The following LRMDA variants were observed in gnomAD, a reference collection of about 807,000 sequenced individuals.
LRMDA encodes the protein leucine-rich melanocyte differentiation-associated protein.
A neutral mutation model predicts 29.8 loss-of-function variants in LRMDA; 18 were observed. The ratio of observed to expected loss-of-function variants is 0.60; its 90% CI spans 0.42 to 0.90. LRMDA has a LOEUF of 0.90. Ranked by LOEUF, LRMDA falls within the 40% of genes least tolerant of loss-of-function variation. The pLI, the probability that LRMDA is intolerant of heterozygous loss-of-function variation, is 0.00. For synonymous variants in LRMDA, 125 were observed against 109.4 expected (o/e 1.14, Z -0.89); for missense variants, 273 against 273.9 (o/e 1.00, Z 0.02).
chr10:76,551,360 G>C (rs1021608104), intron 6 of LRMDA, among the ~76,000 whole-genome samples: 1 of 152,176 alleles, frequency 6.6e-6, no homozygotes, highest in African/African-American at 2.4e-5. Context: ...TGAGTGTCCA[G>C]CAATTGACAT....
chr10:75,684,920 C>T (rs1421850044), intron 2 of LRMDA, among the ~76,000 whole-genome samples: 1 of 152,220 alleles, frequency 6.6e-6, no homozygotes, highest in Non-Finnish European at 1.5e-5. Flanking sequence ...CCCAGTTTGT[C>T]ATCATTACTC....
chr10:75,586,646 T>G (rs1481654334), intron 2 of LRMDA, among the ~76,000 whole-genome samples: 1 of 152,082 alleles, frequency 6.6e-6, no homozygotes, highest in African/African-American at 2.4e-5. Flanking sequence ...GGCCTGTCTT[T>G]TGTTTTTTTG....
intron 2 of LRMDA, among the ~76,000 whole-genome samples, chr10:75,789,921 A>G (rs1025074560): frequency 1.3e-4 from 20 of 152,284 alleles, no homozygotes; most frequent in African/African-American, 4.8e-4. Flanking sequence ...GGGATGGACA[A>G]TAATTGAAGA....
intron 2 of LRMDA, among the ~76,000 whole-genome samples, chr10:75,884,893 C>T (rs1022627575): frequency 6.6e-6 from 1 of 151,546 alleles, no homozygotes; most frequent in African/African-American, 2.4e-5. Context: ...AACGAAAAAT[C>T]CAGTTTAGGA....
intron 6 of LRMDA, among the ~76,000 whole-genome samples, chr10:76,381,628 G>C (rs1331045612): frequency 6.6e-6 from 1 of 152,092 alleles, no homozygotes; most frequent in African/African-American, 2.4e-5. Context: ...GCATCTCCGT[G>C]CTTACAAAAG....
chr10:76,034,469 C>G (rs1173908361), intron 2 of LRMDA, among the ~76,000 whole-genome samples: 3 of 152,176 alleles, frequency 2.0e-5, no homozygotes, highest in Non-Finnish European at 4.4e-5. Context: ...AGCAGGCGTG[C>G]TCTGGGAGTC....
chr10:75,689,757 C>T (rs901891987), intron 2 of LRMDA, among the ~76,000 whole-genome samples: 3 of 152,128 alleles, frequency 2.0e-5, no homozygotes, highest in African/African-American at 4.8e-5. Flanking sequence ...TCTCCCAAGA[C>T]GAGAGGTTTT....
chr10:76,125,654 C>T (rs1311427512), intron 5 of LRMDA, among the ~76,000 whole-genome samples: 1 of 152,054 alleles, frequency 6.6e-6, no homozygotes, highest in Non-Finnish European at 1.5e-5. Context: ...GGGTCTGTCA[C>T]CTAGAGGAGG....
intron 2 of LRMDA, among the ~76,000 whole-genome samples, chr10:75,663,337 T>C (rs1841779046): frequency 6.6e-6 from 1 of 152,218 alleles, no homozygotes; most frequent in South Asian, 2.1e-4. Context: ...AGGAAGTATA[T>C]GGAAGTCCTC....
intron 2 of LRMDA, among the ~76,000 whole-genome samples, chr10:75,679,330 G>A (rs1031511224): frequency 2.6e-5 from 4 of 151,902 alleles, no homozygotes; most frequent in African/African-American, 7.3e-5. Context: ...TCATTCCTGC[G>A]ACCTCAGAGA....
chr10:76,112,220 G>A (rs1849591161), intron 5 of LRMDA, among the ~76,000 whole-genome samples: 1 of 152,158 alleles, frequency 6.6e-6, no homozygotes. Context: ...TGAGCCTGGG[G>A]GAGCCCCACC....
At chr10:75,561,041 G>A (rs925781735) in intron 2 of LRMDA, among the ~76,000 whole-genome samples, 3 of 150,986 alleles carry the variant, frequency 2.0e-5, no homozygotes, top group African/African-American at 7.3e-5. Context: ...GGATGATGCT[G>A]GCCTCATAAA....
intron 2 of LRMDA, among the ~76,000 whole-genome samples, chr10:75,959,319 C>G (rs1054274186): frequency 6.6e-6 from 1 of 152,068 alleles, no homozygotes; most frequent in East Asian, 1.9e-4. Flanking sequence ...TTGGGCAGCA[C>G]CACCTTGGCC....
At chr10:75,507,450 G>A (rs1845182277) in intron 2 of LRMDA, among the ~76,000 whole-genome samples, 1 of 152,186 alleles carries the variant, frequency 6.6e-6, no homozygotes, top group African/African-American at 2.4e-5. Context: ...GTGAAAGGAA[G>A]TAGAGAAAGG....
chr10:76,449,824 A>G (rs1164394868), intron 6 of LRMDA, among the ~76,000 whole-genome samples: 1 of 151,920 alleles, frequency 6.6e-6, no homozygotes, highest in Non-Finnish European at 1.5e-5. Flanking sequence ...ACTTTTCCTG[A>G]CTTTCTACTT....
At chr10:76,114,892 C>T (rs1849643601) in intron 5 of LRMDA, among the ~76,000 whole-genome samples, 1 of 152,192 alleles carries the variant, frequency 6.6e-6, no homozygotes, top group South Asian at 2.1e-4. Context: ...CCCCCTGAAG[C>T]TCAGAAAATT....
intron 2 of LRMDA, among the ~76,000 whole-genome samples, chr10:75,626,023 T>G (rs1704557176): frequency 6.6e-6 from 1 of 151,926 alleles, no homozygotes; most frequent in African/African-American, 2.4e-5. Context: ...GGCTATTTTT[T>G]TTTTTAATTT....
rs533409496 is a variant in LRMDA at position 75,477,517 on chromosome 10, C to T, written c.131+39023C>T. 5.3e-5 allele frequency among the ~76,000 whole-genome samples: 8 copies of T among 152,340 alleles called. 1 individual carries two copies. The highest frequency in any genetic ancestry group is 1.9e-4 in the African/African-American group (8 of 41,586). On this transcript the variant is annotated intron_variant, in intron 2 of 6. Transcript: ENST00000611255. ...CAAACACCTACATGTTCAAGGCTCA[C>T]TCTGAATGTCACGTTTCCATGAACT...
intron 2 of LRMDA, among the ~76,000 whole-genome samples, chr10:75,533,510 A>G (rs1237073806): frequency 6.6e-6 from 1 of 152,208 alleles, no homozygotes; most frequent in Non-Finnish European, 1.5e-5. Context: ...AGTAAGAGAC[A>G]CTTCTGGGCA....
Sources: allele counts gnomAD v4.1 joint callset (sites outside exome capture counted in the v4.1 genomes callset), GRCh38; gene constraint gnomAD v4.1.1; transcripts MANE v1.5; gene names NCBI Gene and HGNC (gene_info 2026-07-23, HGNC 2026-07-21).